The following LRRC37A2 variants were observed in gnomAD, a reference collection of about 807,000 sequenced individuals.
LRRC37A2 encodes the protein leucine-rich repeat-containing protein 37A2.
LRRC37A2 carries 9 observed loss-of-function variants against 68.8 expected under a neutral mutation model. The observed-to-expected ratio is 0.13, with a 90% CI of 0.08 to 0.23. The LOEUF (loss-of-function observed/expected upper bound fraction) is 0.23. Ranked by LOEUF, LRRC37A2 falls within the 10% of genes least tolerant of loss-of-function variation. LRRC37A2 has a pLI of 1.00. For synonymous variants in LRRC37A2, 63 were observed against 367.6 expected (o/e 0.17, Z 9.48); for missense variants, 168 against 950.4 (o/e 0.18, Z 10.82).
the LRRC37A2 span, among the ~76,000 whole-genome samples, chr17:47,037,077 G>A: frequency 1.5e-5 from 2 of 133,846 alleles, no homozygotes; most frequent in South Asian, 6.0e-4. Context: ...ATTGCCTGAG[G>A]TCAGGAGTTA....
the LRRC37A2 span, among the ~76,000 whole-genome samples, chr17:46,877,863 G>T: frequency 1.3e-5 from 2 of 152,222 alleles, no homozygotes; most frequent in Admixed American, 6.5e-5. Flanking sequence ...GCTAAGCCTG[G>T]CTCCTGGGTA....
the LRRC37A2 span, among the ~76,000 whole-genome samples, chr17:46,783,717 G>T: frequency 6.6e-6 from 1 of 152,206 alleles, no homozygotes; most frequent in Admixed American, 6.5e-5. Flanking sequence ...AGCAGCTACC[G>T]AGCTGGAGAA....
chr17:46,866,654 T>C, the LRRC37A2 span, among the ~76,000 whole-genome samples: 3 of 152,000 alleles, frequency 2.0e-5, no homozygotes, highest in Non-Finnish European at 4.4e-5. Context: ...GCACAAGGCT[T>C]TCCCGGTTCC....
the LRRC37A2 span, chr17:46,851,739 C>A: frequency 1.6e-6 from 2 of 1,229,666 alleles, no homozygotes; most frequent in Non-Finnish European, 2.1e-6. This position sits in a 1 kb window ranked among gnomAD's most constrained non-coding sequence, Gnocchi z 4.3. Flanking sequence ...GCGCCCCCCG[C>A]CCGCTCCCCG....
At chr17:47,021,338 A>AT in the LRRC37A2 span, among the ~76,000 whole-genome samples, 28 of 124,196 alleles carry the variant, frequency 2.3e-4, no homozygotes, top group African/African-American at 5.6e-4. Context: ...AGCAAAATCT[A>AT]GGAGTGAAGT....
chr17:46,960,347 C>T, the LRRC37A2 span, among the ~76,000 whole-genome samples: 1 of 152,160 alleles, frequency 6.6e-6, no homozygotes, highest in Admixed American at 6.5e-5. Flanking sequence ...CAAAATCTGA[C>T]AATATCAAGT....
chr17:46,973,167 T>C, the LRRC37A2 span: 115,755 of 153,262 alleles, frequency 0.76, 44,667 homozygotes, highest in Non-Finnish European at 0.84. Context: ...AAAACTGGAA[T>C]GCCGGATGAG....
the LRRC37A2 span, among the ~76,000 whole-genome samples, chr17:46,503,058 G>A: frequency 2.0e-5 from 3 of 150,660 alleles, no homozygotes; most frequent in East Asian, 1.9e-4. Context: ...TAAAAATACA[G>A]AAAATTAGCC....
the LRRC37A2 span, among the ~76,000 whole-genome samples, chr17:46,842,616 T>C: frequency 1.3e-5 from 2 of 152,128 alleles, no homozygotes; most frequent in African/African-American, 4.8e-5. Flanking sequence ...CAAGTGATCC[T>C]CCCATCTCAG....
the LRRC37A2 span, among the ~76,000 whole-genome samples, chr17:46,731,329 G>C: frequency 6.6e-6 from 1 of 152,146 alleles, no homozygotes; most frequent in Non-Finnish European, 1.5e-5. Context: ...CCTAGGGCTG[G>C]GAGGGGAGAA....
the LRRC37A2 span, among the ~76,000 whole-genome samples, chr17:46,759,724 T>C: frequency 6.6e-6 from 1 of 152,160 alleles, no homozygotes; most frequent in Non-Finnish European, 1.5e-5. Flanking sequence ...TTTCCTTGCT[T>C]TTCTTTTTCC....
chr17:46,913,434 T>A, the LRRC37A2 span, among the ~76,000 whole-genome samples: 397 of 152,250 alleles, frequency 2.6e-3, 1 homozygote, highest in Non-Finnish European at 4.6e-3. Flanking sequence ...GGGGAAGGGG[T>A]TCTAGCCCAG....
the LRRC37A2 span, among the ~76,000 whole-genome samples, chr17:46,944,193 C>T: frequency 6.6e-6 from 1 of 152,206 alleles, no homozygotes; most frequent in Non-Finnish European, 1.5e-5. Flanking sequence ...TGGCATGTGT[C>T]CAGTGCCAGT....
the LRRC37A2 span, among the ~76,000 whole-genome samples, chr17:46,840,891 A>G: frequency 6.6e-6 from 1 of 152,150 alleles, no homozygotes; most frequent in Non-Finnish European, 1.5e-5. Context: ...TAGATTCTGG[A>G]TATTAGCCCT....
At chr17:46,807,301 G>A in the LRRC37A2 span, among the ~76,000 whole-genome samples, 1 of 152,156 alleles carries the variant, frequency 6.6e-6, no homozygotes, top group Non-Finnish European at 1.5e-5. Context: ...TGACCAACAT[G>A]GTGAAATCCT....
chr17:46,735,203 A>G, the LRRC37A2 span, among the ~76,000 whole-genome samples: 2 of 152,226 alleles, frequency 1.3e-5, no homozygotes, highest in Admixed American at 1.3e-4. Flanking sequence ...AATAAATTAT[A>G]AGATATATAT....
At chr17:46,958,755 T>C in the LRRC37A2 span, among the ~76,000 whole-genome samples, 2 of 152,260 alleles carry the variant, frequency 1.3e-5, no homozygotes, top group East Asian at 3.9e-4. Context: ...AAGTCAAAGG[T>C]TCTGGGACAT....
the LRRC37A2 span, among the ~76,000 whole-genome samples, chr17:46,753,656 A>G: frequency 6.6e-6 from 1 of 152,062 alleles, no homozygotes; most frequent in Admixed American, 6.6e-5. Flanking sequence ...TTTTTTCCCC[A>G]ACCCTCATCC....
chr17:46,816,708 G>GTTCT, the LRRC37A2 span, among the ~76,000 whole-genome samples: 1 of 152,166 alleles, frequency 6.6e-6, no homozygotes, highest in African/African-American at 2.4e-5. Context: ...CCAACTGGAA[G>GTTCT]AGTGCCCTCT....
Sources: allele counts gnomAD v4.1 joint callset (sites outside exome capture counted in the v4.1 genomes callset), GRCh38; gene constraint gnomAD v4.1.1; non-coding constraint Gnocchi (gnomAD v3.1); transcripts MANE v1.5; gene names NCBI Gene and HGNC (gene_info 2026-07-23, HGNC 2026-07-21).